PPARGC1A: variants seen among roughly 807,000 people sequenced by gnomAD.
The protein encoded by PPARGC1A is peroxisome proliferator-activated receptor gamma coactivator 1-alpha.
In PPARGC1A, 25 loss-of-function variants were observed where a neutral mutation model predicts 88.7. The observed-to-expected ratio is 0.28, with a 90% confidence interval of 0.21 to 0.39. The LOEUF is 0.39. PPARGC1A is among the 10% of genes least tolerant of loss of function. The probability of loss-of-function intolerance (pLI) is 1.00; values close to 1 mark genes in which losing one functional copy is unlikely to be tolerated. For synonymous variants in PPARGC1A, 363 were observed against 355.6 expected, an observed-to-expected ratio of 1.02 and a Z score of -0.24; for missense variants, 880 against 968.7, an observed-to-expected ratio of 0.91 and a Z score of 1.22.
At chr4:24,448,222 T>G in the PPARGC1A span, among the ~76,000 whole-genome samples, 1 of 152,218 alleles carries the variant, frequency 6.6e-6, no homozygotes, top group Admixed American at 6.5e-5. Flanking sequence ...GGAGGCTGTT[T>G]AACGTTTGAG....
chr4:23,942,512 G>A, the PPARGC1A span, among the ~76,000 whole-genome samples: 3 of 152,092 alleles, frequency 2.0e-5, no homozygotes, highest in African/African-American at 2.4e-5. Context: ...AACAAGTCCC[G>A]ATCTTTGAAA....
intron 2 of PPARGC1A, chr4:23,883,988 A>G (rs1716442655): frequency 6.6e-6 from 1 of 152,206 alleles, no homozygotes; most frequent in Non-Finnish European, 1.5e-5. Flanking sequence ...CCTTCGTTTA[A>G]TTCACTTGCC....
the PPARGC1A span, among the ~76,000 whole-genome samples, chr4:24,208,690 T>A: frequency 7.9e-4 from 82 of 103,158 alleles, no homozygotes; most frequent in East Asian, 0.022. Flanking sequence ...AAAATATATA[T>A]ATATATATAT....
At chr4:23,824,134 G>C in intron 7 of PPARGC1A, 146 bp downstream of exon 7, 1 of 676,364 alleles carries the variant, frequency 1.5e-6, no homozygotes, top group East Asian at 2.8e-5. Flanking sequence ...TAAACAACTG[G>C]AAATATTTGC....
intron 2 of PPARGC1A, among the ~76,000 whole-genome samples, chr4:23,850,075 T>C (rs1392875917): frequency 6.6e-6 from 1 of 152,224 alleles, no homozygotes; most frequent in Non-Finnish European, 1.5e-5. Flanking sequence ...CGCTTTTTGA[T>C]GGAAATGAAA....
chr4:23,970,932 G>A, the PPARGC1A span, among the ~76,000 whole-genome samples: 2 of 152,076 alleles, frequency 1.3e-5, no homozygotes. Context: ...GATGCACACA[G>A]GCCTGATATT....
At chr4:24,257,484 G>A in the PPARGC1A span, among the ~76,000 whole-genome samples, 1 of 152,126 alleles carries the variant, frequency 6.6e-6, no homozygotes, top group Non-Finnish European at 1.5e-5. Context: ...TGGTTGTCCT[G>A]GCAAAATAAA....
the PPARGC1A span, among the ~76,000 whole-genome samples, chr4:24,453,341 A>T: frequency 6.6e-6 from 1 of 152,386 alleles, no homozygotes; most frequent in South Asian, 2.1e-4. Context: ...CTTAATAATG[A>T]TGTACAGCAA....
the PPARGC1A span, among the ~76,000 whole-genome samples, chr4:23,994,672 G>A: frequency 6.6e-6 from 1 of 152,200 alleles, no homozygotes; most frequent in South Asian, 2.1e-4. Context: ...CAGAAGGAAG[G>A]ATACAAGAGG....
chr4:24,391,989 G>A, the PPARGC1A span, among the ~76,000 whole-genome samples: 1 of 152,164 alleles, frequency 6.6e-6, no homozygotes, highest in African/African-American at 2.4e-5. Flanking sequence ...AGTTTTTAAT[G>A]TAAAATTGAT....
At chr4:23,975,955 C>A in the PPARGC1A span, among the ~76,000 whole-genome samples, 4 of 152,192 alleles carry the variant, frequency 2.6e-5, no homozygotes, top group African/African-American at 9.7e-5. Context: ...TTGCAAGAAT[C>A]AAATAAATTA....
chr4:23,802,403 G>A (rs1445654638), intron 10 of PPARGC1A, 58 bp from the exon 11 acceptor site: 7 of 1,605,834 alleles, frequency 4.4e-6, no homozygotes, highest in African/African-American at 1.3e-5. Flanking sequence ...CCCTCGGCCG[G>A]GCACAGTGGC....
At chr4:24,203,446 G>A in the PPARGC1A span, among the ~76,000 whole-genome samples, 1 of 152,178 alleles carries the variant, frequency 6.6e-6, no homozygotes, top group Non-Finnish European at 1.5e-5. Flanking sequence ...GGCTGAGGCA[G>A]GAGAATTGCT....
At position 23,801,880 on chromosome 4, in the gene PPARGC1A, C is replaced by G; in HGVS notation, c.2143G>C (p.Asp715His). 6.2e-7 allele frequency: 1 copy of G among 1,613,852 alleles called. No individual in the cohort carries two copies. The highest frequency in any genetic ancestry group is 1.1e-5 in the South Asian group (1 of 91,070). ...ECTVNLRDDG[D>H]SYGFITYRYT... ...CGGTAGGTAATGAAACCATAGCTGT[C>G]TCTGCAACGGACAAAGAAAAGTTCA... Residue 715 changes from aspartate to histidine, a missense_variant and splice_region_variant, in exon 12 of 13, where the codon GAC becomes CAC. Transcript: ENST00000264867.
At chr4:23,844,818 GATATATATTATTATAATATA>G (rs1225887041) in intron 2 of PPARGC1A, among the ~76,000 whole-genome samples, 7 of 120,574 alleles carry the variant, frequency 5.8e-5, no homozygotes, top group African/African-American at 1.9e-4. Context: ...TATAATATAT[GATATATATTATTATAATATA>G]TGATATATAT....
the PPARGC1A span, among the ~76,000 whole-genome samples, chr4:24,238,791 G>A: frequency 6.8e-6 from 1 of 147,820 alleles, no homozygotes; most frequent in African/African-American, 2.6e-5. Flanking sequence ...GTGTGTGTGT[G>A]TGTGTAGGCA....
chr4:24,005,257 G>C, the PPARGC1A span, among the ~76,000 whole-genome samples: 10 of 150,232 alleles, frequency 6.7e-5, no homozygotes, highest in Admixed American at 6.6e-4. Flanking sequence ...GCTTTTGAAA[G>C]AAAAAAAAAG....
At chr4:24,463,662 A>T in the PPARGC1A span, among the ~76,000 whole-genome samples, 5 of 152,198 alleles carry the variant, frequency 3.3e-5, no homozygotes, top group Admixed American at 2.0e-4. Context: ...GAGGATCTAG[A>T]ATTGAAGAGG....
the PPARGC1A span, among the ~76,000 whole-genome samples, chr4:24,329,596 T>C: frequency 4.6e-4 from 70 of 152,188 alleles, 1 homozygote; most frequent in Non-Finnish European, 1.8e-4. Flanking sequence ...AGGTTGAATG[T>C]CATCGGCAAA....
Sources: allele counts gnomAD v4.1 joint callset (sites outside exome capture counted in the v4.1 genomes callset), GRCh38; gene constraint gnomAD v4.1.1; transcripts MANE v1.5; gene names NCBI Gene and HGNC (gene_info 2026-07-23, HGNC 2026-07-21).